METTL25: variants seen among roughly 807,000 people sequenced by gnomAD.
METTL25 encodes methyltransferase like 25, also known as probable methyltransferase-like protein 25.
Under a neutral mutation model 71.6 loss-of-function variants are expected in METTL25, and 64 were observed. The ratio of observed to expected loss-of-function variants is 0.89; its 90% CI spans 0.73 to 1.10. The LOEUF (loss-of-function observed/expected upper bound fraction) is 1.10, where lower values mean the gene tolerates loss of function less well. METTL25 is among the 50% of genes least tolerant of loss of function. The probability of loss-of-function intolerance (pLI) is 0.00; values close to 1 mark genes in which losing one functional copy is unlikely to be tolerated. For synonymous variants in METTL25, 287 were observed against 250.3 expected (o/e 1.15, Z -1.38); for missense variants, 807 against 707.0 (o/e 1.14, Z -1.60).
At chr12:82,450,425 C>G (rs1441697209) in intron 8 of METTL25, among the ~76,000 whole-genome samples, 1 of 152,090 alleles carries the variant, frequency 6.6e-6, no homozygotes, top group East Asian at 1.9e-4. Context: ...TTTCACCGTC[C>G]TCAGGACCAT....
At chr12:82,384,374 GCTCT>G (rs57771205) in intron 1 of METTL25, among the ~76,000 whole-genome samples, 388 of 132,964 alleles carry the variant, frequency 2.9e-3, no homozygotes, top group Admixed American at 2.7e-3. Flanking sequence ...ATCATAAACA[GCTCT>G]CTCTCTCTCT....
At chr12:82,471,935 TGAGA>T (rs1398685150) in intron 9 of METTL25, among the ~76,000 whole-genome samples, 2 of 152,106 alleles carry the variant, frequency 1.3e-5, no homozygotes, top group Non-Finnish European at 2.9e-5. Context: ...TGTCAATAAC[TGAGA>T]GAGAGAATAG....
intron 9 of METTL25, among the ~76,000 whole-genome samples, chr12:82,460,582 C>G (rs1403921821): frequency 2.0e-5 from 3 of 152,166 alleles, no homozygotes; most frequent in Non-Finnish European, 4.4e-5. Flanking sequence ...AGCCTATCCC[C>G]ACTCTATTTA....
At chr12:82,364,671 A>T (rs1882358908) in intron 1 of METTL25, among the ~76,000 whole-genome samples, 1 of 152,194 alleles carries the variant, frequency 6.6e-6, no homozygotes. Context: ...TATACATAGC[A>T]CCTAGCATAG....
Position 82,456,767 on chromosome 12 carries a change from T to G in METTL25, c.1519T>G (p.Phe507Val). 6.2e-7 allele frequency: 1 copy of G among 1,604,562 alleles called. No homozygotes were observed. Among genetic ancestry groups the G allele is most frequent in the Non-Finnish European group, 8.5e-7 (1 of 1,174,992 alleles). Residue 507 changes from phenylalanine (F) to valine (V), a missense_variant, in exon 9 of 12, where the codon TTT becomes GTT. Coordinates refer to ENST00000248306, the MANE Select transcript of METTL25 (RefSeq NM_032230.3). ...TAAAATTTATTCCAAATGTTCTTCT[T>G]TTCTGGATTATGTCAGACGGTCTCT... ...VGKIYSKCSS[F>V]LDYVRRSLKK... is the part of the protein sequence containing the mutation.
intron 1 of METTL25, among the ~76,000 whole-genome samples, chr12:82,377,667 A>C (rs1884011813): frequency 6.6e-6 from 1 of 152,216 alleles, no homozygotes; most frequent in African/African-American, 2.4e-5. Flanking sequence ...AATATTTAAA[A>C]TAATCTCTAG....
chr12:82,408,763 A>T (rs1887314187), intron 5 of METTL25, among the ~76,000 whole-genome samples: 1 of 152,168 alleles, frequency 6.6e-6, no homozygotes, highest in Non-Finnish European at 1.5e-5. Flanking sequence ...TAAAATACAA[A>T]TCTACTGCTA....
chr12:82,455,407 T>C (rs1891421532), intron 8 of METTL25, among the ~76,000 whole-genome samples: 1 of 151,872 alleles, frequency 6.6e-6, no homozygotes, highest in Admixed American at 6.6e-5. Flanking sequence ...TTCTGCCTTC[T>C]GGAACCTATA....
intron 3 of METTL25, among the ~76,000 whole-genome samples, chr12:82,396,511 A>G (rs1344077471): frequency 1.3e-5 from 2 of 152,044 alleles, no homozygotes; most frequent in Non-Finnish European, 2.9e-5. Context: ...GAAATTAAAG[A>G]TATGTATAAG....
chr12:82,423,371 C>G (rs1032584991), intron 5 of METTL25, among the ~76,000 whole-genome samples: 1 of 152,162 alleles, frequency 6.6e-6, no homozygotes, highest in African/African-American at 2.4e-5. Context: ...CCCTTCCTTA[C>G]ACCTTATACA....
chr12:82,406,161 T>G (rs1261898952), intron 5 of METTL25, among the ~76,000 whole-genome samples: 1 of 152,180 alleles, frequency 6.6e-6, no homozygotes, highest in Non-Finnish European at 1.5e-5. Flanking sequence ...CTGTGCTTAG[T>G]GGTGGAGATA....
At chr12:82,380,435 GTA>G (rs34774322) in intron 1 of METTL25, among the ~76,000 whole-genome samples, 28 of 2,958 alleles carry the variant, frequency 9.5e-3, no homozygotes, top group Admixed American at 0.027. Context: ...GTATGTGTAT[GTA>G]TATATATATA....
At chr12:82,427,489 A>G (rs555325242) in intron 5 of METTL25, among the ~76,000 whole-genome samples, 123 of 151,946 alleles carry the variant, frequency 8.1e-4, no homozygotes, top group Non-Finnish European at 1.4e-3. Flanking sequence ...AATGTTAAGT[A>G]GTATTTTTTC....
chr12:82,479,141 A>T lies in METTL25; in HGVS notation c.*117A>T, dbSNP rs1282773463. 7.9e-6 allele frequency: 5 copies of T among 630,190 alleles called. No homozygotes were observed. The allele number at this position is 630,190 out of a possible 1,614,324, so 39.0% of individuals were successfully genotyped here. On this transcript the variant is annotated 3_prime_UTR_variant, in exon 12 of 12. Coordinates refer to ENST00000248306, the MANE Select transcript of METTL25 (RefSeq NM_032230.3). ...TTTTTAAATGACTGTTATGTATTTT[A>T]AATAATAAAATAATGGCTAACAACA...
Position 82,365,808 on chromosome 12 carries a change from C to T in METTL25, c.259+6984C>T, listed in dbSNP as rs567831536. Among the ~76,000 whole-genome samples, 4 of 144,512 alleles carry T rather than the reference C, an allele frequency of 2.8e-5. No individual in the cohort carries two copies. In the East Asian group the frequency reaches 7.7e-4, roughly 28 times the overall value. 94.8% of individuals were successfully genotyped at this position (144,512 alleles called of 152,430 possible). A position where few individuals can be genotyped will look rare whatever the true frequency, so the allele number is the denominator to read the frequency against. The stretch of plus-strand genomic sequence containing the variant: ...TTAAGAATATCTGGCCTCGGCCGGG[C>T]GCGGTGGCTCACGCCTGCAATCCCA... On this transcript the variant is annotated intron_variant, in intron 1 of 11. Coordinates refer to ENST00000248306, the MANE Select transcript of METTL25 (RefSeq NM_032230.3).
intron 8 of METTL25, among the ~76,000 whole-genome samples, chr12:82,451,808 T>C (rs1030134987): frequency 2.0e-5 from 3 of 152,268 alleles, no homozygotes; most frequent in Admixed American, 1.3e-4. Context: ...CAAATATTGA[T>C]AGGGAACTAT....
At chr12:82,400,725 C>G (rs1886545681) in intron 4 of METTL25, among the ~76,000 whole-genome samples, 1 of 152,016 alleles carries the variant, frequency 6.6e-6, no homozygotes. Context: ...TTTCTTGGAT[C>G]CTATAGCAAA....
At chr12:82,474,512 CT>C (rs1892766793) in intron 9 of METTL25, 1 of 152,066 alleles carries the variant, frequency 6.6e-6, no homozygotes, top group Admixed American at 6.5e-5. Flanking sequence ...TATTTCTGGT[CT>C]GCAGATGATT....
intron 9 of METTL25, among the ~76,000 whole-genome samples, chr12:82,460,943 A>C (rs1020135188): frequency 6.6e-6 from 1 of 152,178 alleles, no homozygotes; most frequent in African/African-American, 2.4e-5. Context: ...GGAGATGGAG[A>C]CCATCCTGGC....
Sources: allele counts gnomAD v4.1 joint callset (sites outside exome capture counted in the v4.1 genomes callset), GRCh38; gene constraint gnomAD v4.1.1; transcripts MANE v1.5; gene names NCBI Gene and HGNC (gene_info 2026-07-23, HGNC 2026-07-21).